The following CADM1 variants were observed in gnomAD, a reference collection of about 807,000 sequenced individuals.
The protein encoded by CADM1 is cell adhesion molecule 1, also known as TSLC-1.
In CADM1, 15 loss-of-function variants were observed where a neutral mutation model predicts 53.1. The ratio of observed to expected loss-of-function variants is 0.28; its 90% CI spans 0.19 to 0.44. CADM1 has a LOEUF of 0.44. Ranked by LOEUF, CADM1 falls within the 20% of genes least tolerant of loss-of-function variation. The probability of loss-of-function intolerance (pLI) is 1.00; values close to 1 mark genes in which losing one functional copy is unlikely to be tolerated. For synonymous variants in CADM1, 281 were observed against 243.0 expected (o/e 1.16, Z -1.45); for missense variants, 434 against 611.3 (o/e 0.71, Z 3.06).
chr11:115,196,794 A>G (rs992336640), intron 9 of CADM1, among the ~76,000 whole-genome samples: 1 of 152,136 alleles, frequency 6.6e-6, no homozygotes, highest in Non-Finnish European at 1.5e-5. Context: ...AAGAAACTTA[A>G]GTATCTTAAA....
chr11:115,371,078 G>T (rs1263456243), intron 1 of CADM1, among the ~76,000 whole-genome samples: 1 of 151,702 alleles, frequency 6.6e-6, no homozygotes, highest in African/African-American at 2.4e-5. Context: ...TCAGGCAGAG[G>T]GAAAATAATA....
At chr11:115,492,612 C>G (rs992952343) in intron 1 of CADM1, among the ~76,000 whole-genome samples, 8 of 151,892 alleles carry the variant, frequency 5.3e-5, no homozygotes, top group African/African-American at 1.9e-4. Flanking sequence ...AAAAATCCTG[C>G]GCTCTACTTG....
intron 1 of CADM1, among the ~76,000 whole-genome samples, chr11:115,257,542 T>C (rs953968329): frequency 1.3e-5 from 2 of 152,168 alleles, no homozygotes; most frequent in Non-Finnish European, 2.9e-5. Flanking sequence ...CAGAGGAGCA[T>C]AGGAGTTAGT....
chr11:115,205,033 A>G (rs1015665973), intron 8 of CADM1, among the ~76,000 whole-genome samples: 2 of 152,188 alleles, frequency 1.3e-5, no homozygotes, highest in Admixed American at 1.3e-4. Flanking sequence ...AGGATTTTTT[A>G]ATGTGTTTCA....
At chr11:115,270,796 T>G (rs1299421655) in intron 1 of CADM1, among the ~76,000 whole-genome samples, 1 of 152,216 alleles carries the variant, frequency 6.6e-6, no homozygotes, top group Admixed American at 6.5e-5. Context: ...CCTTCTTACT[T>G]TGGCCCTTGA....
At chr11:115,400,578 A>T (rs532253914) in intron 1 of CADM1, among the ~76,000 whole-genome samples, 11 of 139,688 alleles carry the variant, frequency 7.9e-5, no homozygotes, top group African/African-American at 2.2e-4. Context: ...ATATATATAT[A>T]ATATATATAT....
chr11:115,294,069 G>C (rs1235080758), intron 1 of CADM1, among the ~76,000 whole-genome samples: 1 of 152,166 alleles, frequency 6.6e-6, no homozygotes, highest in East Asian at 1.9e-4. Context: ...TGGAGTATTA[G>C]GTGGGGTGAA....
intron 1 of CADM1, among the ~76,000 whole-genome samples, chr11:115,284,789 T>G (rs1242839463): frequency 6.6e-6 from 1 of 152,226 alleles, no homozygotes; most frequent in Non-Finnish European, 1.5e-5. Flanking sequence ...CCTAATATTT[T>G]TGATTTTTAA....
chr11:115,351,571 A>G lies in CADM1; in HGVS notation c.125-111151T>C, dbSNP rs533425945. On this transcript the variant is annotated intron_variant, in intron 1 of 11. Transcript: ENST00000331581. ...TGAAGTCTTCAGATTCTCCCCTATA[A>G]GACCTAGAGAAAACACTTCAAATTG... 2.0e-5 allele frequency among the ~76,000 whole-genome samples: 3 copies of G among 152,312 alleles called. No individual in the cohort carries two copies. The South Asian group carries it at 6.2e-4, about 32-fold the overall frequency.
At chr11:115,239,667 T>C (rs1004356175) in intron 2 of CADM1, among the ~76,000 whole-genome samples, 3 of 151,882 alleles carry the variant, frequency 2.0e-5, no homozygotes, top group Non-Finnish European at 2.9e-5. Flanking sequence ...GGAAGAGACA[T>C]GCTTCGCTTT....
Position 115,172,512 on chromosome 11 carries a change from C to T in CADM1, c.*3962G>A, listed in dbSNP as rs1345343028. On this transcript the variant is annotated 3_prime_UTR_variant, in exon 12 of 12. Coordinates refer to ENST00000331581, the MANE Select transcript of CADM1 (RefSeq NM_001301043.2). ...AGCTCTTTGTGAAGCTGTCTAGGGA[C>T]TCACCAGCCTTCACTGATTACCCTT... 1 of 152,226 alleles carries T rather than the reference C, an allele frequency of 6.6e-6. No homozygotes were observed. Among genetic ancestry groups the T allele is most frequent in the South Asian group, 2.1e-4 (1 of 4,830 alleles). The allele number at this position is 152,226 out of a possible 1,614,324, so 9.4% of individuals were successfully genotyped here.
intron 1 of CADM1, among the ~76,000 whole-genome samples, chr11:115,318,912 C>A (rs1430551608): frequency 1.3e-5 from 2 of 152,102 alleles, no homozygotes; most frequent in Non-Finnish European, 2.9e-5. Flanking sequence ...AAGGAAGTAG[C>A]AAGAATAATA....
intron 1 of CADM1, among the ~76,000 whole-genome samples, chr11:115,343,514 A>T (rs1047087602): frequency 6.6e-6 from 1 of 152,144 alleles, no homozygotes; most frequent in African/African-American, 2.4e-5. Context: ...CTTCCCATTT[A>T]TAAGAGCAAA....
At chr11:115,413,547 C>T (rs1947510043) in intron 1 of CADM1, among the ~76,000 whole-genome samples, 2 of 145,982 alleles carry the variant, frequency 1.4e-5, no homozygotes, top group South Asian at 4.3e-4. Flanking sequence ...CAAGAAAATT[C>T]TAGCATGGAG....
chr11:115,337,913 A>C (rs1354506430), intron 1 of CADM1, among the ~76,000 whole-genome samples: 1 of 152,152 alleles, frequency 6.6e-6, no homozygotes, highest in East Asian at 1.9e-4. Flanking sequence ...CCATTACTGA[A>C]CTGAGGTTGA....
intron 1 of CADM1, among the ~76,000 whole-genome samples, chr11:115,299,004 T>C (rs1397460163): frequency 6.6e-6 from 1 of 152,222 alleles, no homozygotes; most frequent in Non-Finnish European, 1.5e-5. Flanking sequence ...ATCTGCCTAC[T>C]GTAGGTAACA....
intron 1 of CADM1, among the ~76,000 whole-genome samples, chr11:115,274,110 T>C (rs961369278): frequency 5.9e-5 from 9 of 152,232 alleles, no homozygotes; most frequent in African/African-American, 2.2e-4. Context: ...TAAAGGAGCA[T>C]GTGAATTCAT....
intron 1 of CADM1, among the ~76,000 whole-genome samples, chr11:115,294,495 A>G (rs1943995181): frequency 6.6e-6 from 1 of 152,068 alleles, no homozygotes; most frequent in Non-Finnish European, 1.5e-5. Flanking sequence ...CTCCCACCTC[A>G]GCACTCTCCC....
intron 1 of CADM1, among the ~76,000 whole-genome samples, chr11:115,295,504 TTTTATA>T (rs1355537354): frequency 1.6e-4 from 5 of 31,896 alleles, no homozygotes; most frequent in African/African-American, 2.0e-4. Flanking sequence ...GATCAAGATA[TTTTATA>T]TATATATATA....
Sources: allele counts gnomAD v4.1 joint callset (sites outside exome capture counted in the v4.1 genomes callset), GRCh38; gene constraint gnomAD v4.1.1; transcripts MANE v1.5; gene names NCBI Gene and HGNC (gene_info 2026-07-23, HGNC 2026-07-21).